Variants in SDC3 observed in about 807,000 individuals in gnomAD.
SDC3 encodes syndecan 3.
In SDC3, 13 loss-of-function variants were observed where a neutral mutation model predicts 24.4. That is an observed-to-expected ratio of 0.53 (90% CI 0.35 to 0.85). The LOEUF is 0.85. Among genes scored for constraint, SDC3 ranks in the 40% least tolerant of loss-of-function variants. SDC3 has a pLI of 0.01. For missense variants in SDC3, 571 were observed against 584.5 expected, an observed-to-expected ratio of 0.98 and a Z score of 0.24; for synonymous variants, 295 against 260.9, an observed-to-expected ratio of 1.13 and a Z score of -1.26.
rs543250095 is a variant in SDC3, at chr1:30,903,856, G to A, written c.138+4593C>T. On this transcript the variant is annotated intron_variant, in intron 1 of 4. Coordinates refer to ENST00000339394, the MANE Select transcript of SDC3 (RefSeq NM_014654.4). ...GCCTGTCAGGCCCTGGCTCATACTA[G>A]CTCTGCCACTTCTGGCTGTGTGACT... 1.1e-4 allele frequency among the ~76,000 whole-genome samples: 16 copies of A among 152,250 alleles called. No homozygotes were observed. The South Asian group carries it at 3.3e-3, about 32-fold the overall frequency.
chr1:30,878,547 C>A (rs74065516), intron 2 of SDC3, 76 bp downstream of exon 2: 5 of 1,218,204 alleles, frequency 4.1e-6, no homozygotes, highest in Non-Finnish European at 6.0e-6. Flanking sequence ...GCAAGCCCCC[C>A]GTGGGCTTCT....
rs770342472 is a variant in SDC3, at chr1:30,876,583, G to A, written c.839C>T (p.Thr280Ile). Residue 280 changes from threonine (T) to isoleucine (I), a missense_variant, in exon 3 of 5, where the codon ACC becomes ATC. Physicochemically the swap from Thr to Ile is moderately conservative, Grantham distance 89 (BLOSUM62 -1). Around this residue, in one of 2 missense-constraint regions of SDC3, gnomAD observed 497 missense variants for 471.6 expected, o/e 1.05. Transcript: ENST00000339394. ...IPERSTLPLG[T>I]TAPGPTEVAQ... is the part of the protein sequence containing the mutation. Reference sequence around the variant, plus strand: ...CACCTCTGTGGGTCCAGGGGCAGTGGTCCCCAGGGGCAGGGTGCTCCTCTC... The same window carrying A: ...CACCTCTGTGGGTCCAGGGGCAGTGATCCCCAGGGGCAGGGTGCTCCTCTC... The A allele has an allele frequency of 2.0e-6, 3 of 1,529,160 alleles. No individual in the cohort carries two copies. The highest frequency in any genetic ancestry group is 2.2e-5 in the Admixed American group (1 of 45,946). 94.7% of individuals were successfully genotyped at this position (1,529,160 alleles called of 1,614,324 possible).
chr1:30,887,993 C>A (rs1481983989), intron 1 of SDC3, among the ~76,000 whole-genome samples: 1 of 152,246 alleles, frequency 6.6e-6, no homozygotes, highest in Non-Finnish European at 1.5e-5. Flanking sequence ...CTGATCCCAG[C>A]ATATTTTGTC....
At chr1:30,902,582 G>T (rs922379783) in intron 1 of SDC3, among the ~76,000 whole-genome samples, 2 of 152,252 alleles carry the variant, frequency 1.3e-5, no homozygotes, top group African/African-American at 4.8e-5. Flanking sequence ...CCTGCTCCCT[G>T]CTGGGACAGG....
chr1:30,900,042 A>T (rs926187570), intron 1 of SDC3, among the ~76,000 whole-genome samples: 5 of 152,192 alleles, frequency 3.3e-5, no homozygotes, highest in Non-Finnish European at 2.9e-5. Context: ...TTCTACATAG[A>T]CACAGTAACA....
At chr1:30,907,714 A>G (rs1050623001) in intron 1 of SDC3, among the ~76,000 whole-genome samples, 6 of 151,722 alleles carry the variant, frequency 4.0e-5, no homozygotes, top group Middle Eastern at 3.4e-3. Context: ...CACACGCCCC[A>G]CAGGTCCCCG....
intron 2 of SDC3, chr1:30,877,521 G>A (rs1639665719): frequency 3.9e-6 from 2 of 519,048 alleles, no homozygotes; most frequent in Non-Finnish European, 6.9e-6. Flanking sequence ...GGGGAACACA[G>A]GAGTGGCATT....
intron 1 of SDC3, among the ~76,000 whole-genome samples, chr1:30,887,178 A>AC (rs2124325825): frequency 6.6e-6 from 1 of 151,438 alleles, no homozygotes; most frequent in Admixed American, 6.6e-5. Context: ...TCAGGTAGGC[A>AC]CCCCCTGCCC....
At chr1:30,875,882 G>A (rs111396745) in intron 3 of SDC3, among the ~76,000 whole-genome samples, 21 of 152,310 alleles carry the variant, frequency 1.4e-4, no homozygotes, top group African/African-American at 3.4e-4. Flanking sequence ...AGTGCTGCCC[G>A]TGGGGTGGGC....
At chr1:30,889,480 G>C (rs1487398454) in intron 1 of SDC3, among the ~76,000 whole-genome samples, 2 of 152,140 alleles carry the variant, frequency 1.3e-5, no homozygotes, top group African/African-American at 2.4e-5. Context: ...TCCTCTCCTT[G>C]ATGCTCCCTG....
intron 1 of SDC3, among the ~76,000 whole-genome samples, chr1:30,894,859 T>A (rs964568295): frequency 6.6e-6 from 1 of 151,890 alleles, no homozygotes; most frequent in Non-Finnish European, 1.5e-5. Context: ...CTCGAGTGGC[T>A]TAGATGCCTG....
chr1:30,897,533 A>G (rs1638298131), intron 1 of SDC3, among the ~76,000 whole-genome samples: 1 of 152,216 alleles, frequency 6.6e-6, no homozygotes, highest in Non-Finnish European at 1.5e-5. Flanking sequence ...TGTGGAAGCC[A>G]GGAGCCCAAA....
chr1:30,894,563 A>AGTGTGTGGGTGTAT (rs1639969806), intron 1 of SDC3, among the ~76,000 whole-genome samples: 1 of 114,418 alleles, frequency 8.7e-6, no homozygotes, highest in Admixed American at 9.3e-5. Flanking sequence ...TGTGGGTGAG[A>AGTGTGTGGGTGTAT]GTGTGTGGGT....
intron 1 of SDC3, among the ~76,000 whole-genome samples, chr1:30,893,619 G>C (rs1200860559): frequency 2.0e-5 from 3 of 151,918 alleles, no homozygotes; most frequent in Non-Finnish European, 4.4e-5. Flanking sequence ...TCTCTTGGTT[G>C]GGCATCATTT....
intron 1 of SDC3, 135 bp downstream of exon 1, chr1:30,908,314 G>T: frequency 3.2e-6 from 1 of 316,632 alleles, no homozygotes; most frequent in Non-Finnish European, 4.4e-6. Context: ...GGGTGGCAGG[G>T]ACCGCGGCCC....
At chr1:30,878,595 A>T in intron 2 of SDC3, 28 bp downstream of exon 2, 1 of 1,557,086 alleles carries the variant, frequency 6.4e-7, no homozygotes, top group Non-Finnish European at 8.9e-7. Flanking sequence ...CACTGCCCCC[A>T]GGCAGAGGTA....
intron 1 of SDC3, 102 bp from the exon 2 acceptor site, chr1:30,878,842 C>T (rs2124314969): frequency 1.2e-6 from 1 of 850,870 alleles, no homozygotes; most frequent in Non-Finnish European, 2.0e-6. Flanking sequence ...GTGACATCCA[C>T]GTGGGTGACA....
chr1:30,878,627 C>T lies in SDC3; in HGVS notation c.252G>A (p.Ser84=), dbSNP rs781754536. Residue 84 remains serine (S), a synonymous_variant, in exon 2 of 5, where the codon TCG becomes TCA. Transcript: ENST00000339394. ...ELDDLYSGSG[S]GYFEQESGIE... is the part of the protein sequence containing the mutation. The stretch of plus-strand genomic sequence containing the variant: ...GGTAGGGAGGGGGGTACTTACAGCC[C>T]GAGCCCGACCCCGAGTAGAGGTCAT... The T allele has an allele frequency of 1.5e-5, 25 of 1,613,324 alleles. No homozygotes were observed. Among genetic ancestry groups the T allele is most frequent in the Middle Eastern group, 3.3e-4 (2 of 6,082 alleles).
At chr1:30,881,667 A>G (rs905359192) in intron 1 of SDC3, among the ~76,000 whole-genome samples, 1 of 152,210 alleles carries the variant, frequency 6.6e-6, no homozygotes, top group Admixed American at 6.5e-5. Flanking sequence ...AGGGCACTCT[A>G]GAGACCTCTG....
Sources: gnomAD v4.1 joint callset for allele counts (sites outside exome capture counted in the v4.1 genomes callset) on GRCh38, gnomAD v4.1.1 for gene constraint, gnomAD v4.1.1 regional missense constraint, MANE v1.5 for transcripts, NCBI Gene and HGNC (gene_info 2026-07-23, HGNC 2026-07-21) for gene names.